GRIK2: variants seen among roughly 807,000 people sequenced by gnomAD.
The protein encoded by GRIK2 is glutamate receptor ionotropic, kainate 2.
In GRIK2, 32 loss-of-function variants were observed where a neutral mutation model predicts 100.3. The observed-to-expected ratio is 0.32, with a 90% confidence interval of 0.24 to 0.43. The LOEUF (loss-of-function observed/expected upper bound fraction) is 0.43, where lower values mean the gene tolerates loss of function less well. Among genes scored for constraint, GRIK2 ranks in the 20% least tolerant of loss-of-function variants. The pLI, the probability that GRIK2 is intolerant of heterozygous loss-of-function variation, is 1.00. For missense variants in GRIK2, 843 were observed against 1,114.9 expected, an observed-to-expected ratio of 0.76 and a Z score of 3.47; for synonymous variants, 417 against 389.4, an observed-to-expected ratio of 1.07 and a Z score of -0.83.
chr6:101,999,553 A>G (rs972759766), intron 14 of GRIK2, among the ~76,000 whole-genome samples: 52 of 152,068 alleles, frequency 3.4e-4, no homozygotes, highest in African/African-American at 1.2e-3. Flanking sequence ...GTGATCTTGT[A>G]TCCTGAGACA....
chr6:101,619,968 A>T (rs1206870121), intron 2 of GRIK2, among the ~76,000 whole-genome samples: 1 of 152,140 alleles, frequency 6.6e-6, no homozygotes, highest in Non-Finnish European at 1.5e-5. Context: ...TTGAAGGTTC[A>T]TTGTGACCTC....
At chr6:101,720,623 T>C (rs1583020435) in intron 7 of GRIK2, among the ~76,000 whole-genome samples, 1 of 152,158 alleles carries the variant, frequency 6.6e-6, no homozygotes, top group East Asian at 1.9e-4. Flanking sequence ...TTTTATGTAC[T>C]TTTGAAAATA....
intron 2 of GRIK2, among the ~76,000 whole-genome samples, chr6:101,450,151 C>T (rs1267672988): frequency 6.6e-6 from 1 of 151,798 alleles, no homozygotes; most frequent in Non-Finnish European, 1.5e-5. Context: ...AGACTTCTAT[C>T]ATAGATAGCA....
chr6:101,634,667 G>A (rs1780920922), intron 4 of GRIK2, among the ~76,000 whole-genome samples: 2 of 151,964 alleles, frequency 1.3e-5, no homozygotes, highest in South Asian at 4.1e-4. Context: ...GATAAATATA[G>A]ACATGAGAAG....
At chr6:101,795,425 G>T (rs1286738809) in intron 7 of GRIK2, among the ~76,000 whole-genome samples, 7 of 152,178 alleles carry the variant, frequency 4.6e-5, no homozygotes, top group African/African-American at 1.4e-4. Context: ...GGTGTTATCA[G>T]TGGGCTAAGT....
chr6:101,648,026 A>G (rs1215610643), intron 4 of GRIK2, among the ~76,000 whole-genome samples: 1 of 152,050 alleles, frequency 6.6e-6, no homozygotes, highest in Non-Finnish European at 1.5e-5. Flanking sequence ...CAGTTGTGAC[A>G]ATTAAAAATA....
At position 101,399,141 on chromosome 6, in the gene GRIK2, G is replaced by T. The variant is rs1775140233; in HGVS notation, c.-137G>T. 27 of 605,762 alleles carry T rather than the reference G, an allele frequency of 4.5e-5. No homozygotes were observed. In the South Asian group the frequency reaches 4.7e-4, roughly 10 times the overall value. The allele number at this position is 605,762 out of a possible 1,614,324, so 37.5% of individuals were successfully genotyped here. A position where few individuals can be genotyped will look rare whatever the true frequency, so the allele number is the denominator to read the frequency against. On this transcript the variant is annotated 5_prime_UTR_variant, in exon 2 of 17. Coordinates refer to ENST00000369134, the MANE Select transcript of GRIK2 (RefSeq NM_021956.5). ...ATTGCTAATGGGTTTGGGAAGCGGA[G>T]ACTCCTTCCTCTCTCTATGACCATG...
At chr6:102,050,519 T>C (rs1771115423) in intron 15 of GRIK2, among the ~76,000 whole-genome samples, 1 of 151,258 alleles carries the variant, frequency 6.6e-6, no homozygotes, top group Non-Finnish European at 1.5e-5. Flanking sequence ...GGGCGTAGGG[T>C]GCCTGTAATC....
chr6:101,752,844 T>C, intron 7 of GRIK2, among the ~76,000 whole-genome samples: 1 of 152,200 alleles, frequency 6.6e-6, no homozygotes, highest in Non-Finnish European at 1.5e-5. Context: ...AGTTTTAAAA[T>C]ATCATCCTGA....
chr6:101,997,978 T>A (rs1247766691), intron 14 of GRIK2, among the ~76,000 whole-genome samples: 1 of 152,130 alleles, frequency 6.6e-6, no homozygotes, highest in African/African-American at 2.4e-5. Flanking sequence ...TTCACAAGTT[T>A]AAAATGTAAA....
intron 2 of GRIK2, chr6:101,620,339 A>G: frequency 5.3e-6 from 1 of 187,320 alleles, no homozygotes; most frequent in Non-Finnish European, 1.0e-5. Context: ...GACTTCAAAT[A>G]TATTGAGTGC....
intron 2 of GRIK2, among the ~76,000 whole-genome samples, chr6:101,439,824 G>A (rs1562139012): frequency 2.0e-5 from 3 of 151,880 alleles, no homozygotes; most frequent in African/African-American, 7.3e-5. Context: ...GGCTATATAG[G>A]CATACCTAGT....
intron 14 of GRIK2, among the ~76,000 whole-genome samples, chr6:102,006,914 AT>A (rs1267623968): frequency 6.6e-6 from 1 of 152,052 alleles, no homozygotes; most frequent in African/African-American, 2.4e-5. Context: ...TTTCTGGGTA[AT>A]TTTAAATGGA....
Position 101,833,012 on chromosome 6 carries a change from C to T in GRIK2, c.1317+14529C>T, listed in dbSNP as rs532156065. ...GAACTATCACAATTTCAATAGAATA[C>T]ACAAATAGACTTTATTGGGATAGAT... On this transcript the variant is annotated intron_variant, in intron 10 of 16. Coordinates refer to ENST00000369134, the MANE Select transcript of GRIK2 (RefSeq NM_021956.5). Among the ~76,000 whole-genome samples, 187 of 152,248 alleles carry T rather than the reference C, an allele frequency of 1.2e-3. 1 individual carries two copies. The highest frequency in any genetic ancestry group is 2.1e-3 in the Non-Finnish European group (140 of 68,004).
chr6:101,657,944 A>C (rs1364568635), intron 4 of GRIK2, among the ~76,000 whole-genome samples: 1 of 152,146 alleles, frequency 6.6e-6, no homozygotes, highest in Non-Finnish European at 1.5e-5. Flanking sequence ...TAGAGGCTAA[A>C]ATGCAAGATA....
intron 7 of GRIK2, among the ~76,000 whole-genome samples, chr6:101,759,877 A>AT (rs1562363164): frequency 1.5e-5 from 2 of 132,326 alleles, no homozygotes; most frequent in African/African-American, 6.2e-5. Flanking sequence ...ATTTATTTTT[A>AT]TTTTTATTTT....
chr6:102,039,184 G>A lies in GRIK2; in HGVS notation c.2311+3618G>A, dbSNP rs139057555. On this transcript the variant is annotated intron_variant, in intron 15 of 16. Transcript: ENST00000369134. ...ACTGCCCAAAGTGTGCTGTGAGATCGCTGAATGACTCAGAATAAGCTATTT... is the reference window on the plus strand; with the variant it reads ...ACTGCCCAAAGTGTGCTGTGAGATCACTGAATGACTCAGAATAAGCTATTT... Among the ~76,000 whole-genome samples the A allele has an allele frequency of 8.1e-4, 122 of 151,486 alleles. 1 individual carries two copies. Among genetic ancestry groups the A allele is most frequent in the African/African-American group, 2.7e-3 (113 of 41,466 alleles).
intron 2 of GRIK2, among the ~76,000 whole-genome samples, chr6:101,490,030 CTAAT>C (rs1432549366): frequency 6.9e-6 from 1 of 145,802 alleles, no homozygotes; most frequent in African/African-American, 2.6e-5. Context: ...AAGAATTAAT[CTAAT>C]TAAGAGTATG....
At chr6:101,793,687 C>T (rs879280875) in intron 7 of GRIK2, among the ~76,000 whole-genome samples, 5 of 152,190 alleles carry the variant, frequency 3.3e-5, no homozygotes, top group Non-Finnish European at 7.3e-5. Context: ...AGGCAGTCTG[C>T]CCGTTCTCAG....
Sources: allele counts gnomAD v4.1 joint callset (sites outside exome capture counted in the v4.1 genomes callset), GRCh38; gene constraint gnomAD v4.1.1; transcripts MANE v1.5; gene names NCBI Gene and HGNC (gene_info 2026-07-23, HGNC 2026-07-21).